The following MGLL variants were observed in gnomAD, a reference collection of about 807,000 sequenced individuals.
MGLL encodes lysophospholipase homolog.
MGLL carries 7 observed loss-of-function variants against 29.1 expected under a neutral mutation model. The observed-to-expected ratio is 0.24, with a 90% CI of 0.14 to 0.45. The LOEUF is 0.45. Ranked by LOEUF, MGLL falls within the 20% of genes least tolerant of loss-of-function variation. MGLL has a pLI of 0.99. For missense variants in MGLL, 356 were observed against 413.6 expected (o/e 0.86, Z 1.21); for synonymous variants, 148 against 168.3 (o/e 0.88, Z 0.93).
At chr3:127,720,975 C>T in intron 5 of MGLL, 78 bp downstream of exon 5, 1 of 1,300,724 alleles carries the variant, frequency 7.7e-7, no homozygotes, top group Non-Finnish European at 1.1e-6. Context: ...GGTCTTTTTA[C>T]ATAGACTCAG....
intron 3 of MGLL, among the ~76,000 whole-genome samples, chr3:127,768,791 T>C (rs1207097450): frequency 6.6e-6 from 1 of 152,194 alleles, no homozygotes; most frequent in Admixed American, 6.5e-5. Flanking sequence ...ATCACTCATG[T>C]GTCTACCCCT....
At chr3:127,805,233 C>T (rs546868014) in intron 2 of MGLL, among the ~76,000 whole-genome samples, 89 of 152,242 alleles carry the variant, frequency 5.8e-4, no homozygotes, top group Admixed American at 1.2e-3. Flanking sequence ...GCTCCAAGTT[C>T]CTCTGGGTGG....
At chr3:127,727,730 CAG>C (rs1404455807) in intron 3 of MGLL, among the ~76,000 whole-genome samples, 1 of 93,928 alleles carries the variant, frequency 1.1e-5, no homozygotes, top group Admixed American at 1.1e-4. Flanking sequence ...AAAAAAAAAA[CAG>C]AGCAAGAAAT....
At chr3:127,721,299 A>G (rs555183) in intron 4 of MGLL, 136 bp from the exon 5 acceptor site, 303,726 of 686,400 alleles carry the variant, frequency 0.44, 70,017 homozygotes, top group East Asian at 0.58. Flanking sequence ...TGGAAGAGGC[A>G]CCATCAAATG....
At chr3:127,815,122 C>T (rs1576323140) in intron 2 of MGLL, among the ~76,000 whole-genome samples, 1 of 152,248 alleles carries the variant, frequency 6.6e-6, no homozygotes, top group East Asian at 1.9e-4. Context: ...AGCAGAGTCA[C>T]TCGTGATTCA....
At chr3:127,742,006 T>C (rs1251185104) in intron 3 of MGLL, among the ~76,000 whole-genome samples, 1 of 152,226 alleles carries the variant, frequency 6.6e-6, no homozygotes, top group Non-Finnish European at 1.5e-5. Flanking sequence ...CTTTTATAAA[T>C]AACACTGAAA....
intron 2 of MGLL, among the ~76,000 whole-genome samples, chr3:127,782,720 C>G (rs1301740016): frequency 6.6e-6 from 1 of 152,186 alleles, no homozygotes; most frequent in Non-Finnish European, 1.5e-5. Context: ...CGATACCCAC[C>G]AACTTCTACT....
chr3:127,769,283 G>C (rs1253133324), intron 3 of MGLL, among the ~76,000 whole-genome samples: 1 of 151,988 alleles, frequency 6.6e-6, no homozygotes, highest in Non-Finnish European at 1.5e-5. Context: ...CCTAGGAGGA[G>C]GAGGTTGCAG....
At chr3:127,718,141 C>G (rs1217512702) in intron 5 of MGLL, among the ~76,000 whole-genome samples, 1 of 150,850 alleles carries the variant, frequency 6.6e-6, no homozygotes, top group Admixed American at 6.6e-5. Flanking sequence ...GGTGATCTGG[C>G]GTTCTCACAT....
At chr3:127,723,109 G>A (rs1008252712) in intron 3 of MGLL, among the ~76,000 whole-genome samples, 5 of 152,190 alleles carry the variant, frequency 3.3e-5, no homozygotes, top group African/African-American at 7.2e-5. Flanking sequence ...AAAGCGTCTC[G>A]ACGAAGCTGC....
chr3:127,796,039 C>G (rs1393445038), intron 2 of MGLL, among the ~76,000 whole-genome samples: 1 of 152,202 alleles, frequency 6.6e-6, no homozygotes, highest in African/African-American at 2.4e-5. Flanking sequence ...GAAATAGCAT[C>G]AACACTTTGC....
chr3:127,714,685 C>G (rs2075781830), intron 5 of MGLL, among the ~76,000 whole-genome samples: 1 of 152,164 alleles, frequency 6.6e-6, no homozygotes, highest in Non-Finnish European at 1.5e-5. Flanking sequence ...AGAAAGGTCT[C>G]AGTGCATAGA....
intron 2 of MGLL, among the ~76,000 whole-genome samples, chr3:127,789,944 C>T (rs969326641): frequency 6.6e-6 from 1 of 152,230 alleles, no homozygotes; most frequent in African/African-American, 2.4e-5. Flanking sequence ...CTGCCACCCA[C>T]CTCCAAGCTA....
chr3:127,736,661 C>T (rs1251860189), intron 3 of MGLL, among the ~76,000 whole-genome samples: 1 of 152,190 alleles, frequency 6.6e-6, no homozygotes, highest in Non-Finnish European at 1.5e-5. Flanking sequence ...GGCCATCAGG[C>T]CTGCTACTCC....
chr3:127,731,564 C>T lies in MGLL; in HGVS notation c.263-8998G>A, dbSNP rs182001301. ...ATCAGACTCTCCCCGCTCCAGGCCA[C>T]TGTCCCCCTGTCCTGATCACCTCAG... On this transcript the variant is annotated intron_variant, in intron 3 of 7. Coordinates refer to ENST00000265052, the MANE Select transcript of MGLL (RefSeq NM_007283.7). Among the ~76,000 whole-genome samples, 1,060 of 152,296 alleles carry T rather than the reference C, an allele frequency of 7.0e-3. 8 individuals are homozygous for T. The highest frequency in any genetic ancestry group is 0.01 in the Non-Finnish European group (699 of 68,014).
chr3:127,731,824 A>G (rs1054627087), intron 3 of MGLL, among the ~76,000 whole-genome samples: 1 of 152,230 alleles, frequency 6.6e-6, no homozygotes, highest in African/African-American at 2.4e-5. Flanking sequence ...TCAATGGAAT[A>G]AACTTCTCCC....
At chr3:127,717,117 G>A (rs930265093) in intron 5 of MGLL, among the ~76,000 whole-genome samples, 2 of 152,186 alleles carry the variant, frequency 1.3e-5, no homozygotes, top group Admixed American at 6.5e-5. Flanking sequence ...TAACCCCCAC[G>A]GCAGCTCATT....
chr3:127,772,026 C>T (rs2076956995), intron 3 of MGLL, among the ~76,000 whole-genome samples: 1 of 152,140 alleles, frequency 6.6e-6, no homozygotes, highest in Admixed American at 6.5e-5. Flanking sequence ...TCGCACTTTC[C>T]TACCGTCCCT....
chr3:127,804,514 A>G (rs946116846), intron 2 of MGLL, among the ~76,000 whole-genome samples: 1 of 152,224 alleles, frequency 6.6e-6, no homozygotes, highest in Non-Finnish European at 1.5e-5. Context: ...CCCATGGTAG[A>G]GCCCACAGGT....
Sources: gnomAD v4.1 joint callset for allele counts (sites outside exome capture counted in the v4.1 genomes callset) on GRCh38, gnomAD v4.1.1 for gene constraint, MANE v1.5 for transcripts, NCBI Gene and HGNC (gene_info 2026-07-23, HGNC 2026-07-21) for gene names.